ERC2: variants seen among roughly 807,000 people sequenced by gnomAD.
ERC2 encodes the protein ERC protein 2.
ERC2 carries 42 observed loss-of-function variants against 114.8 expected under a neutral mutation model. That is an observed-to-expected ratio of 0.37 (90% CI 0.29 to 0.47). The LOEUF (loss-of-function observed/expected upper bound fraction) is 0.47, where lower values mean the gene tolerates loss of function less well. Ranked by LOEUF, ERC2 falls within the 20% of genes least tolerant of loss-of-function variation. ERC2 has a pLI of 0.99. For missense variants in ERC2, 939 were observed against 1,150.7 expected (o/e 0.82, Z 2.66); for synonymous variants, 454 against 425.5 (o/e 1.07, Z -0.82).
At chr3:56,446,581 C>A (rs1577008371) in intron 1 of ERC2, among the ~76,000 whole-genome samples, 1 of 147,470 alleles carries the variant, frequency 6.8e-6, no homozygotes. Context: ...ACAAGGAAGT[C>A]AAGGAAGTCA....
chr3:55,972,571 T>C (rs1460507585), intron 12 of ERC2, among the ~76,000 whole-genome samples: 1 of 152,202 alleles, frequency 6.6e-6, no homozygotes, highest in Non-Finnish European at 1.5e-5. Context: ...AATGATGGTT[T>C]CCAGCTTCAT....
intron 13 of ERC2, among the ~76,000 whole-genome samples, chr3:55,890,523 C>T (rs955190265): frequency 1.3e-5 from 2 of 152,168 alleles, no homozygotes; most frequent in Non-Finnish European, 2.9e-5. Flanking sequence ...GCTGGGTTTC[C>T]AAATCTTAGA....
At chr3:56,421,839 T>G (rs988076013) in intron 2 of ERC2, among the ~76,000 whole-genome samples, 2 of 152,136 alleles carry the variant, frequency 1.3e-5, no homozygotes, top group African/African-American at 4.8e-5. Flanking sequence ...CTCCCCACTT[T>G]TTTTTTCTTA....
chr3:55,664,258 T>C (rs943871034), intron 17 of ERC2, among the ~76,000 whole-genome samples: 2 of 152,066 alleles, frequency 1.3e-5, no homozygotes, highest in African/African-American at 4.8e-5. Context: ...TTTAACAAGT[T>C]TATAGGTGGT....
At chr3:55,755,219 G>A (rs115340607) in intron 14 of ERC2, among the ~76,000 whole-genome samples, 1,881 of 152,086 alleles carry the variant, frequency 0.012, 22 homozygotes, top group Non-Finnish European at 0.019. Flanking sequence ...TGGAAGCCTA[G>A]AAGAAACCAC....
At chr3:56,428,567 G>GGGAGGGAGAGGGAA (rs2061668393) in intron 2 of ERC2, among the ~76,000 whole-genome samples, 3 of 125,662 alleles carry the variant, frequency 2.4e-5, no homozygotes, top group Non-Finnish European at 5.2e-5. Flanking sequence ...GAGGGAGGGA[G>GGGAGGGAGAGGGAA]GGAGGGGAGA....
At chr3:56,337,188 T>C (rs1424365289) in intron 2 of ERC2, among the ~76,000 whole-genome samples, 2 of 152,180 alleles carry the variant, frequency 1.3e-5, no homozygotes, top group Non-Finnish European at 2.9e-5. Context: ...ATTTTTCCTA[T>C]GTTTCTTCCT....
chr3:55,583,399 T>TTCCTTCCTTCCTTCCTTCCTTCC (rs2057375577), intron 17 of ERC2, among the ~76,000 whole-genome samples: 2 of 86,978 alleles, frequency 2.3e-5, no homozygotes, highest in African/African-American at 8.9e-5. Context: ...TCCTTCCTTC[T>TTCCTTCCTTCCTTCCTTCCTTCC]TTCCTTCCTT....
chr3:56,245,662 GC>G (rs1269360226), intron 3 of ERC2, among the ~76,000 whole-genome samples: 1 of 151,910 alleles, frequency 6.6e-6, no homozygotes, highest in Non-Finnish European at 1.5e-5. Flanking sequence ...TCCTGCCTCA[GC>G]CTCCCCAGTA....
At chr3:55,832,740 G>A (rs946610106) in intron 14 of ERC2, among the ~76,000 whole-genome samples, 2 of 152,200 alleles carry the variant, frequency 1.3e-5, no homozygotes, top group South Asian at 2.1e-4. Context: ...CACCAGCAAC[G>A]GAACAAAGCT....
Position 56,296,221 on chromosome 3 carries a change from A to G in ERC2, c.872T>C (p.Ile291Thr). Residue 291 changes from isoleucine to threonine, a missense_variant, in exon 3 of 18, where the codon ATT becomes ACT. Physicochemically the swap from Ile to Thr is moderately conservative, Grantham distance 89 (BLOSUM62 -1). Transcript: ENST00000288221. ...RKTLEEMELR[I>T]ETQKQTLNAR... ...ATTGAGGGTTTGTTTCTGCGTTTCAATTCTCAGCTCCATTTCCTCTAATGT... is the reference window on the plus strand; with the variant it reads ...ATTGAGGGTTTGTTTCTGCGTTTCAGTTCTCAGCTCCATTTCCTCTAATGT... 6.2e-7 allele frequency: 1 copy of G among 1,613,958 alleles called. No individual in the cohort carries two copies. The highest frequency in any genetic ancestry group is 8.5e-7 in the Non-Finnish European group (1 of 1,179,866).
intron 11 of ERC2, among the ~76,000 whole-genome samples, chr3:55,986,670 A>T (rs989959407): frequency 3.9e-5 from 6 of 152,090 alleles, no homozygotes; most frequent in Non-Finnish European, 8.8e-5. Context: ...GATTTTTTTC[A>T]GTCAGAAATA....
At chr3:56,297,296 G>A (rs529668123) in intron 2 of ERC2, among the ~76,000 whole-genome samples, 46 of 151,850 alleles carry the variant, frequency 3.0e-4, no homozygotes, top group East Asian at 2.1e-3. Context: ...TAGCATTGAC[G>A]TTTGATAGAC....
intron 17 of ERC2, among the ~76,000 whole-genome samples, chr3:55,559,765 A>G (rs1251389674): frequency 6.6e-6 from 1 of 152,216 alleles, no homozygotes; most frequent in African/African-American, 2.4e-5. Flanking sequence ...AGAGAGATTA[A>G]TTTCTTTTTA....
intron 2 of ERC2, among the ~76,000 whole-genome samples, chr3:56,325,441 A>G (rs1163217318): frequency 1.3e-5 from 2 of 152,008 alleles, no homozygotes; most frequent in East Asian, 3.9e-4. Context: ...GCGAGACTCC[A>G]TCTCAAAAAA....
chr3:55,952,177 ACACTCTCTCTCT>A (rs1480517765), intron 12 of ERC2, among the ~76,000 whole-genome samples: 17 of 38,670 alleles, frequency 4.4e-4, no homozygotes, highest in Admixed American at 1.1e-3. Context: ...ACACACACAC[ACACTCTCTCTCT>A]CTCTCTCTCT....
chr3:56,169,933 T>A (rs958315349), intron 4 of ERC2, among the ~76,000 whole-genome samples: 12 of 152,116 alleles, frequency 7.9e-5, no homozygotes, highest in Middle Eastern at 3.4e-3. Context: ...GAAATTAGCA[T>A]TAAAGAAAGA....
At position 55,748,913 on chromosome 3, in the gene ERC2, C is replaced by T. The variant is rs73075135; in HGVS notation, c.2565-13995G>A. On this transcript the variant is annotated intron_variant, in intron 14 of 17. Transcript: ENST00000288221. ...ATTTTGTATGGTTCAACCCAATAGT[C>T]TTCCAAAATACAAGGAGTTTTATTG... 3.7e-3 allele frequency among the ~76,000 whole-genome samples: 560 copies of T among 152,334 alleles called. 1 individual carries two copies. Among genetic ancestry groups the T allele is most frequent in the Non-Finnish European group, 5.9e-3 (401 of 68,032 alleles).
At chr3:55,994,367 T>C (rs1226681544) in intron 10 of ERC2, among the ~76,000 whole-genome samples, 1 of 152,064 alleles carries the variant, frequency 6.6e-6, no homozygotes, top group Non-Finnish European at 1.5e-5. Context: ...TTGTTTTTCT[T>C]ATTATTATAG....
Sources: allele counts gnomAD v4.1 joint callset (sites outside exome capture counted in the v4.1 genomes callset), GRCh38; gene constraint gnomAD v4.1.1; transcripts MANE v1.5; gene names NCBI Gene and HGNC (gene_info 2026-07-23, HGNC 2026-07-21).